Variants in ANK3 observed in about 807,000 individuals in gnomAD.
ANK3 encodes the protein ankyrin-3.
Under a neutral mutation model 370.9 loss-of-function variants are expected in ANK3, and 57 were observed. That is an observed-to-expected ratio of 0.15 (90% confidence interval 0.12 to 0.19). The LOEUF (loss-of-function observed/expected upper bound fraction) is 0.19. ANK3 is among the 10% of genes least tolerant of loss of function. The pLI is 1.00. For missense variants in ANK3, 4,439 were observed against 5,302.1 expected (o/e 0.84, Z 5.06); for synonymous variants, 1,929 against 1,946.3 (o/e 0.99, Z 0.23).
At chr10:60,572,181 T>C (rs1413123788) in intron 2 of ANK3, among the ~76,000 whole-genome samples, 1 of 152,216 alleles carries the variant, frequency 6.6e-6, no homozygotes, top group East Asian at 1.9e-4. Flanking sequence ...AATTAGGACG[T>C]GTTTACTTAA....
rs377730460 is a variant in ANK3, at chr10:60,418,480, A to C, written c.97-138841T>G. Among the ~76,000 whole-genome samples the C allele has an allele frequency of 1.0e-3, 155 of 152,178 alleles. 1 individual carries two copies. The highest frequency in any genetic ancestry group is 3.6e-3 in the African/African-American group (149 of 41,510). ...ATTGCATTATTCATATTTCCTCTATATTTCTTGAGGAAAAGTGGGTTTTAT... is the reference window on the plus strand; with the variant it reads ...ATTGCATTATTCATATTTCCTCTATCTTTCTTGAGGAAAAGTGGGTTTTAT... On this transcript the variant is annotated intron_variant, in intron 2 of 43. Coordinates refer to the ANK3 transcript ENST00000373827.
At chr10:60,275,270 T>A (rs187562696) in intron 4 of ANK3, among the ~76,000 whole-genome samples, 2 of 152,208 alleles carry the variant, frequency 1.3e-5, no homozygotes, top group African/African-American at 4.8e-5. Context: ...ATATATTCAA[T>A]ACCTTCTGCT....
chr10:60,481,606 G>A (rs898406495), intron 2 of ANK3, among the ~76,000 whole-genome samples: 5 of 152,108 alleles, frequency 3.3e-5, no homozygotes, highest in Admixed American at 6.5e-5. Context: ...GGGATCACAG[G>A]TGCCTGCCAC....
At chr10:60,671,537 T>G (rs1280025361) in intron 1 of ANK3, among the ~76,000 whole-genome samples, 2 of 152,218 alleles carry the variant, frequency 1.3e-5, no homozygotes, top group African/African-American at 4.8e-5. Flanking sequence ...TTTTTGTTAT[T>G]GAACTTATAA....
At chr10:60,285,165 A>G (rs1269100562) in intron 1 of ANK3, among the ~76,000 whole-genome samples, 4 of 152,052 alleles carry the variant, frequency 2.6e-5, no homozygotes, top group Admixed American at 1.3e-4. Flanking sequence ...AAAAATATCT[A>G]TGTACCTCAG....
chr10:60,239,999 A>T (rs139826191), intron 7 of ANK3, among the ~76,000 whole-genome samples: 53 of 112,958 alleles, frequency 4.7e-4, no homozygotes, highest in Non-Finnish European at 3.3e-4. Flanking sequence ...ATATATATGT[A>T]TGTGTGAATA....
At chr10:60,280,211 C>G (rs117357578) in intron 1 of ANK3, among the ~76,000 whole-genome samples, 1 of 152,062 alleles carries the variant, frequency 6.6e-6, no homozygotes, top group African/African-American at 2.4e-5. Flanking sequence ...TATGGACATG[C>G]GCCGCCATGC....
chr10:60,113,357 C>T (rs1362789748), intron 26 of ANK3, among the ~76,000 whole-genome samples: 1 of 152,080 alleles, frequency 6.6e-6, no homozygotes, highest in Non-Finnish European at 1.5e-5. Context: ...TTTATCAAAT[C>T]AAAGACCTGT....
At chr10:60,219,238 T>C (rs1474560119) in intron 8 of ANK3, among the ~76,000 whole-genome samples, 3 of 152,004 alleles carry the variant, frequency 2.0e-5, no homozygotes, top group Non-Finnish European at 4.4e-5. Flanking sequence ...CTCCTTTAGC[T>C]CAGTGTAGTT....
At chr10:60,660,826 C>T (rs2078926020) in intron 1 of ANK3, among the ~76,000 whole-genome samples, 1 of 151,968 alleles carries the variant, frequency 6.6e-6, no homozygotes, top group South Asian at 2.1e-4. Context: ...AACAGTGTGA[C>T]TCTGTAACAG....
chr10:60,118,183 T>C (rs1454411749), intron 25 of ANK3, among the ~76,000 whole-genome samples: 1 of 152,242 alleles, frequency 6.6e-6, no homozygotes, highest in Non-Finnish European at 1.5e-5. Context: ...CTAACAAGTG[T>C]GTCTTGTAGA....
At chr10:60,649,983 G>T (rs1298150617) in intron 1 of ANK3, among the ~76,000 whole-genome samples, 1 of 152,158 alleles carries the variant, frequency 6.6e-6, no homozygotes, top group Non-Finnish European at 1.5e-5. Context: ...CACATGTCTA[G>T]ATGAAGTCTC....
chr10:60,142,196 C>A (rs73261182), intron 23 of ANK3, among the ~76,000 whole-genome samples: 2,282 of 152,292 alleles, frequency 0.015, 65 homozygotes, highest in African/African-American at 0.051. Context: ...TCCTGTTATA[C>A]AGAATTTTTT....
Position 60,441,117 on chromosome 10 carries a change from A to G in ANK3, c.97-161478T>C, listed in dbSNP as rs528986540. On this transcript the variant is annotated intron_variant, in intron 2 of 43. Coordinates refer to the ANK3 transcript ENST00000373827. The stretch of plus-strand genomic sequence containing the variant: ...GTTTAGAAAAGATGTTCACCAAAAT[A>G]TTAACCGTTGCCAGTCATGTCTGGG... Among the ~76,000 whole-genome samples the G allele has an allele frequency of 1.3e-5, 2 of 152,206 alleles. 1 individual carries two copies. Among genetic ancestry groups the G allele is most frequent in the South Asian group, 4.1e-4 (2 of 4,826 alleles).
At chr10:60,623,464 AGGAAAACATAGGGT>A (rs2078366405) in intron 1 of ANK3, among the ~76,000 whole-genome samples, 1 of 152,192 alleles carries the variant, frequency 6.6e-6, no homozygotes, top group Admixed American at 6.5e-5. Context: ...AAGGCCAGGT[AGGAAAACATAGGGT>A]GATTAAGTAA....
At chr10:60,639,755 G>C (rs867235562) in intron 1 of ANK3, among the ~76,000 whole-genome samples, 1 of 151,762 alleles carries the variant, frequency 6.6e-6, no homozygotes, top group Non-Finnish European at 1.5e-5. Context: ...AGATAAAACC[G>C]AATCCTTAAA....
At chr10:60,356,555 C>T (rs1233143072) in intron 1 of ANK3, among the ~76,000 whole-genome samples, 1 of 152,166 alleles carries the variant, frequency 6.6e-6, no homozygotes, top group Non-Finnish European at 1.5e-5. Flanking sequence ...GAGGTTAGAA[C>T]ACTTGCACAT....
intron 42 of ANK3, among the ~76,000 whole-genome samples, chr10:60,054,622 G>A (rs565161712): frequency 1.3e-5 from 2 of 152,312 alleles, no homozygotes; most frequent in South Asian, 2.1e-4. Flanking sequence ...AGGAAAGGAT[G>A]TGATTACTGA....
At chr10:60,337,700 C>T (rs528040738) in intron 1 of ANK3, among the ~76,000 whole-genome samples, 8 of 152,210 alleles carry the variant, frequency 5.3e-5, no homozygotes, top group African/African-American at 1.7e-4. Flanking sequence ...ATCCATTAAG[C>T]CCCCTAATAT....
Sources: allele counts gnomAD v4.1 joint callset (sites outside exome capture counted in the v4.1 genomes callset), GRCh38; gene constraint gnomAD v4.1.1; transcripts MANE v1.5; gene names NCBI Gene and HGNC (gene_info 2026-07-23, HGNC 2026-07-21).